The following CNTN3 variants were observed in gnomAD, a reference collection of about 807,000 sequenced individuals.
CNTN3 encodes contactin-3.
CNTN3 carries 60 observed loss-of-function variants against 119.1 expected under a neutral mutation model. The ratio of observed to expected loss-of-function variants is 0.50; its 90% CI spans 0.41 to 0.62. The LOEUF (loss-of-function observed/expected upper bound fraction) is 0.62. Ranked by LOEUF, CNTN3 falls within the 20% of genes least tolerant of loss-of-function variation. The pLI is 0.00. For synonymous variants in CNTN3, 450 were observed against 438.7 expected, an observed-to-expected ratio of 1.03 and a Z score of -0.32; for missense variants, 1,101 against 1,242.4, an observed-to-expected ratio of 0.89 and a Z score of 1.71.
At chr3:74,328,947 A>C (rs974237854) in intron 13 of CNTN3, among the ~76,000 whole-genome samples, 1 of 152,188 alleles carries the variant, frequency 6.6e-6, no homozygotes. Context: ...ACAAGATACA[A>C]AATGTATAAT....
At chr3:74,596,847 T>A (rs545055091) in intron 1 of CNTN3, among the ~76,000 whole-genome samples, 1 of 152,190 alleles carries the variant, frequency 6.6e-6, no homozygotes, top group African/African-American at 2.4e-5. Context: ...AATTCCATCA[T>A]CAGAAGATAT....
intron 5 of CNTN3, among the ~76,000 whole-genome samples, chr3:74,399,583 G>A (rs556389377): frequency 6.6e-6 from 1 of 152,176 alleles, no homozygotes; most frequent in East Asian, 1.9e-4. Context: ...TTGCTATTGT[G>A]AATAGTGCTG....
chr3:74,596,089 G>A (rs1289930961), intron 1 of CNTN3, among the ~76,000 whole-genome samples: 1 of 152,074 alleles, frequency 6.6e-6, no homozygotes, highest in Non-Finnish European at 1.5e-5. Flanking sequence ...ATTCACAATT[G>A]CTTCAAAGAG....
intron 4 of CNTN3, among the ~76,000 whole-genome samples, chr3:74,426,378 G>C (rs139223624): frequency 1.9e-4 from 29 of 152,266 alleles, no homozygotes; most frequent in African/African-American, 7.0e-4. Context: ...AGCAGTATAT[G>C]TATTTTAGAA....
At chr3:74,311,590 G>A (rs1047792734) in intron 13 of CNTN3, among the ~76,000 whole-genome samples, 7 of 152,272 alleles carry the variant, frequency 4.6e-5, no homozygotes, top group East Asian at 1.9e-4. Flanking sequence ...GCCTTGCAAA[G>A]TAGAATGATT....
intron 5 of CNTN3, among the ~76,000 whole-genome samples, chr3:74,382,204 GC>G (rs1704639009): frequency 6.6e-6 from 1 of 151,312 alleles, no homozygotes; most frequent in South Asian, 2.1e-4. Context: ...GCAAAATTCC[GC>G]CTAAAAAAAA....
intron 4 of CNTN3, among the ~76,000 whole-genome samples, chr3:74,481,323 T>A (rs1346487632): frequency 6.6e-6 from 1 of 151,818 alleles, no homozygotes; most frequent in African/African-American, 2.4e-5. Flanking sequence ...GACATATGAA[T>A]CATTTATTAA....
chr3:74,549,077 C>T (rs1289936007), intron 1 of CNTN3, among the ~76,000 whole-genome samples: 1 of 152,162 alleles, frequency 6.6e-6, no homozygotes, highest in Non-Finnish European at 1.5e-5. Flanking sequence ...ACCCAAATCT[C>T]ATGTTGAATT....
intron 1 of CNTN3, among the ~76,000 whole-genome samples, chr3:74,528,215 C>A (rs1254161811): frequency 2.6e-5 from 4 of 151,762 alleles, no homozygotes; most frequent in African/African-American, 9.7e-5. Flanking sequence ...TTATTCCAGA[C>A]CTCCTTGTAC....
At chr3:74,375,566 T>TC (rs886084809) in intron 5 of CNTN3, among the ~76,000 whole-genome samples, 3 of 151,696 alleles carry the variant, frequency 2.0e-5, no homozygotes, top group Non-Finnish European at 2.9e-5. Flanking sequence ...AACCCAAGAG[T>TC]CCTTATAAGA....
At chr3:74,439,202 G>C (rs1296055918) in intron 4 of CNTN3, among the ~76,000 whole-genome samples, 1 of 152,160 alleles carries the variant, frequency 6.6e-6, no homozygotes, top group Non-Finnish European at 1.5e-5. Flanking sequence ...AAGGATCAAT[G>C]ATGACTTCAA....
chr3:74,514,963 T>A (rs1480426582), intron 2 of CNTN3, among the ~76,000 whole-genome samples: 2 of 152,084 alleles, frequency 1.3e-5, no homozygotes, highest in African/African-American at 4.8e-5. Context: ...GTTAGAATTG[T>A]GCCTCAAAAG....
At chr3:74,379,512 T>C (rs1216977528) in intron 5 of CNTN3, among the ~76,000 whole-genome samples, 2 of 152,172 alleles carry the variant, frequency 1.3e-5, no homozygotes, top group African/African-American at 4.8e-5. Flanking sequence ...GTCCTTCACG[T>C]ACCCAACTGA....
chr3:74,279,896 A>G (rs570222048), intron 20 of CNTN3, among the ~76,000 whole-genome samples: 4 of 152,128 alleles, frequency 2.6e-5, no homozygotes, highest in Admixed American at 2.6e-4. Flanking sequence ...GGTGAGGGGG[A>G]TAAGTGGAGA....
chr3:74,421,482 A>T (rs146711353), intron 5 of CNTN3, among the ~76,000 whole-genome samples: 1 of 152,132 alleles, frequency 6.6e-6, no homozygotes. Context: ...TACTATTATT[A>T]TTACTATTAC....
intron 5 of CNTN3, among the ~76,000 whole-genome samples, chr3:74,406,784 G>A (rs984673162): frequency 1.3e-5 from 2 of 151,648 alleles, no homozygotes; most frequent in Admixed American, 1.3e-4. Context: ...ACATACAAAG[G>A]GAAATGGCTA....
intron 1 of CNTN3, among the ~76,000 whole-genome samples, chr3:74,553,467 G>GA (rs1319915402): frequency 1.3e-5 from 2 of 152,138 alleles, no homozygotes; most frequent in African/African-American, 4.8e-5. Context: ...GGGATTGCTA[G>GA]GTCAAATGGT....
chr3:74,369,176 A>T lies in CNTN3; in HGVS notation c.946+13T>A. On this transcript the variant is annotated intron_variant, in intron 8 of 22. Coordinates refer to ENST00000263665, the MANE Select transcript of CNTN3 (RefSeq NM_020872.3). ...AAAGCTAAAACTCCAATTTGCCCAA[A>T]GCAGATGCTCACCATAGTAAGTGAG... 6.4e-7 allele frequency: 1 copy of T among 1,571,254 alleles called. No individual in the cohort carries two copies. The highest frequency in any genetic ancestry group is 1.4e-5 in the African/African-American group (1 of 72,512).
At chr3:74,546,529 A>C (rs2107154108) in intron 1 of CNTN3, among the ~76,000 whole-genome samples, 1 of 152,304 alleles carries the variant, frequency 6.6e-6, no homozygotes, top group Middle Eastern at 3.4e-3. Context: ...ATGTGGAAAG[A>C]CTAGACTGGC....
Sources: gnomAD v4.1 joint callset for allele counts (sites outside exome capture counted in the v4.1 genomes callset) on GRCh38, gnomAD v4.1.1 for gene constraint, MANE v1.5 for transcripts, NCBI Gene and HGNC (gene_info 2026-07-23, HGNC 2026-07-21) for gene names.